The following EFR3A variants were observed in gnomAD, a reference collection of about 807,000 sequenced individuals.
The protein encoded by EFR3A is EFR3 homolog A, also known as protein EFR3 homolog A.
EFR3A carries 76 observed loss-of-function variants against 104.4 expected under a neutral mutation model. The ratio of observed to expected loss-of-function variants is 0.73; its 90% confidence interval spans 0.60 to 0.88. The LOEUF is 0.88. Among genes scored for constraint, EFR3A ranks in the 40% least tolerant of loss-of-function variants. EFR3A has a pLI of 0.00. For missense variants in EFR3A, 985 were observed against 1,012.5 expected (o/e 0.97, Z 0.37); for synonymous variants, 330 against 330.0 (o/e 1.00, Z 0.00).
intron 14 of EFR3A, among the ~76,000 whole-genome samples, chr8:131,980,791 T>A (rs1460387093): frequency 6.6e-6 from 1 of 152,016 alleles, no homozygotes; most frequent in Non-Finnish European, 1.5e-5. Flanking sequence ...CTTGTAACCT[T>A]TGATCAATAA....
At chr8:131,906,606 C>A (rs1356080876) in intron 1 of EFR3A, among the ~76,000 whole-genome samples, 1 of 152,130 alleles carries the variant, frequency 6.6e-6, no homozygotes, top group Non-Finnish European at 1.5e-5. Flanking sequence ...TGCAGTAACC[C>A]CACTGGTTAA....
At chr8:131,974,922 A>C (rs1394698216) in intron 10 of EFR3A, among the ~76,000 whole-genome samples, 2 of 152,220 alleles carry the variant, frequency 1.3e-5, no homozygotes, top group Non-Finnish European at 2.9e-5. Context: ...AAAAATACTA[A>C]AAATGCAGAA....
rs990167551 is a variant in EFR3A at position 131,946,374 on chromosome 8, C to T, written c.216-109C>T. 3 of 1,091,440 alleles carry T rather than the reference C, an allele frequency of 2.7e-6. No individual in the cohort carries two copies. The African/African-American group carries it at 4.9e-5, about 18-fold the overall frequency. The allele number at this position is 1,091,440 out of a possible 1,614,324, so 67.6% of individuals were successfully genotyped here. A position where few individuals can be genotyped will look rare whatever the true frequency, so the allele number is the denominator to read the frequency against. On this transcript the variant is annotated intron_variant, in intron 3 of 22. Transcript: ENST00000254624. ...CTTAGGAGTTACTAAATTTGCATTTCTTTCTTTGGTGTATTTCAATAGACT... is the reference window on the plus strand; with the variant it reads ...CTTAGGAGTTACTAAATTTGCATTTTTTTCTTTGGTGTATTTCAATAGACT...
intron 1 of EFR3A, among the ~76,000 whole-genome samples, chr8:131,920,212 G>A (rs948699722): frequency 1.3e-5 from 2 of 152,114 alleles, no homozygotes; most frequent in Non-Finnish European, 2.9e-5. Flanking sequence ...GTGCACTGTG[G>A]GTGGAAAAGC....
In EFR3A at chr8:131,904,097, G is replaced by A. The variant is rs1391651294; in HGVS notation, c.-216G>A. 2 of 454,400 alleles carry A rather than the reference G, an allele frequency of 4.4e-6. No individual in the cohort carries two copies. The highest frequency in any genetic ancestry group is 3.5e-6 in the Non-Finnish European group (1 of 285,666). The allele number at this position is 454,400 out of a possible 1,614,324, so 28.1% of individuals were successfully genotyped here. The stretch of plus-strand genomic sequence containing the variant: ...CTGACGTAACGGGCGTGGGTCGTCC[G>A]TCGCGCCGCCCGGCGAGGAGTGGGC... On this transcript the variant is annotated 5_prime_UTR_variant, in exon 1 of 23. Transcript: ENST00000254624.
At chr8:131,936,171 T>C (rs1387446729) in intron 1 of EFR3A, among the ~76,000 whole-genome samples, 1 of 152,142 alleles carries the variant, frequency 6.6e-6, no homozygotes, top group Non-Finnish European at 1.5e-5. Context: ...AGAGGTCAAT[T>C]GGCATCACTA....
chr8:131,938,853 A>G (rs1818030174), intron 1 of EFR3A, among the ~76,000 whole-genome samples: 1 of 152,098 alleles, frequency 6.6e-6, no homozygotes, highest in African/African-American at 2.4e-5. Context: ...TCCAATGGAG[A>G]TGATCATAAC....
chr8:131,944,932 A>G (rs555827880), intron 3 of EFR3A, 60 bp downstream of exon 3: 17 of 1,558,354 alleles, frequency 1.1e-5, no homozygotes, highest in East Asian at 2.3e-5. Context: ...AGACTTTTAA[A>G]TCATTCTATA....
chr8:131,941,214 T>G (rs1271226284), intron 2 of EFR3A, among the ~76,000 whole-genome samples: 8 of 152,050 alleles, frequency 5.3e-5, no homozygotes, highest in Admixed American at 5.3e-4. Context: ...ACTATTTAAT[T>G]TTTGTATAAC....
At chr8:131,933,233 C>A (rs1056319179) in intron 1 of EFR3A, among the ~76,000 whole-genome samples, 1 of 152,078 alleles carries the variant, frequency 6.6e-6, no homozygotes, top group African/African-American at 2.4e-5. Flanking sequence ...GACACCGGGG[C>A]GGTATAGTCT....
chr8:131,929,921 T>C (rs1306127009), intron 1 of EFR3A, among the ~76,000 whole-genome samples: 1 of 152,160 alleles, frequency 6.6e-6, no homozygotes, highest in Admixed American at 6.6e-5. Flanking sequence ...CCATTATCAG[T>C]CTTTCTGTTA....
rs1195208426 is a variant in EFR3A at position 131,979,291 on chromosome 8, T to C, written c.1500-55T>C. On this transcript the variant is annotated intron_variant, in intron 13 of 22. Coordinates refer to ENST00000254624, the MANE Select transcript of EFR3A (RefSeq NM_015137.6). Reference sequence around the variant, plus strand: ...TAAATACAATTTTCCATATAAGATGTGATATTGTAAATAAGTGTGCTATTC... The same window carrying C: ...TAAATACAATTTTCCATATAAGATGCGATATTGTAAATAAGTGTGCTATTC... 7 of 1,274,578 alleles carry C rather than the reference T, an allele frequency of 5.5e-6. No individual in the cohort carries two copies. The African/African-American group carries it at 1.1e-4, about 19-fold the overall frequency. 79.0% of individuals were successfully genotyped at this position (1,274,578 alleles called of 1,614,324 possible).
intron 10 of EFR3A, among the ~76,000 whole-genome samples, chr8:131,971,285 G>A (rs1820037995): frequency 2.0e-5 from 3 of 151,916 alleles, no homozygotes; most frequent in Admixed American, 2.0e-4. Flanking sequence ...ATTTCTTTAG[G>A]TCCATTAGTC....
chr8:131,919,543 C>CTGAGATT (rs1351014284), intron 1 of EFR3A, among the ~76,000 whole-genome samples: 1 of 144,654 alleles, frequency 6.9e-6, no homozygotes, highest in Non-Finnish European at 1.5e-5. Flanking sequence ...TTGCAGTGAG[C>CTGAGATT]TGAGATTGCG....
At chr8:131,985,335 T>G (rs539754678) in intron 16 of EFR3A, among the ~76,000 whole-genome samples, 1 of 152,272 alleles carries the variant, frequency 6.6e-6, no homozygotes, top group South Asian at 2.1e-4. Context: ...TTCTATGACT[T>G]TTTTCCTTTG....
chr8:131,981,600 A>T (rs1190505937), intron 14 of EFR3A, among the ~76,000 whole-genome samples: 1 of 152,132 alleles, frequency 6.6e-6, no homozygotes, highest in East Asian at 1.9e-4. Flanking sequence ...CAACTCAGAT[A>T]AGTTTCTGCA....
intron 22 of EFR3A, among the ~76,000 whole-genome samples, chr8:132,010,256 G>A (rs1425539873): frequency 6.6e-6 from 1 of 151,474 alleles, no homozygotes; most frequent in East Asian, 1.9e-4. Context: ...ACACTTTGAT[G>A]CAGAAATTCT....
chr8:131,968,693 A>G lies in EFR3A; in HGVS notation c.991+263A>G, dbSNP rs554025089. On this transcript the variant is annotated intron_variant, in intron 9 of 22. Transcript: ENST00000254624. ...AGTATTGATTATATACTGAACATTG[A>G]GAGAATGCAGATATAAGAAACTGAT... 5.7e-4 allele frequency among the ~76,000 whole-genome samples: 87 copies of G among 152,274 alleles called. 1 individual carries two copies. Among genetic ancestry groups the G allele is most frequent in the African/African-American group, 2.1e-3 (86 of 41,558 alleles).
At chr8:131,934,639 G>GTGTATA (rs1817784712) in intron 1 of EFR3A, among the ~76,000 whole-genome samples, 1 of 152,008 alleles carries the variant, frequency 6.6e-6, no homozygotes, top group African/African-American at 2.4e-5. Flanking sequence ...ATATGTGTAT[G>GTGTATA]TGTGTATATA....
Sources: gnomAD v4.1 joint callset for allele counts (sites outside exome capture counted in the v4.1 genomes callset) on GRCh38, gnomAD v4.1.1 for gene constraint, MANE v1.5 for transcripts, NCBI Gene and HGNC (gene_info 2026-07-23, HGNC 2026-07-21) for gene names.